GRID2: variants seen among roughly 807,000 people sequenced by gnomAD.
GRID2 encodes the protein glutamate ionotropic receptor delta type subunit 2.
Under a neutral mutation model 114.8 loss-of-function variants are expected in GRID2, and 33 were observed. The ratio of observed to expected loss-of-function variants is 0.29; its 90% CI spans 0.22 to 0.38. GRID2 has a LOEUF of 0.38. GRID2 is among the 10% of genes least tolerant of loss of function. GRID2 has a pLI of 1.00. For missense variants in GRID2, 1,184 were observed against 1,257.7 expected (o/e 0.94, Z 0.89); for synonymous variants, 505 against 449.9 (o/e 1.12, Z -1.55).
intron 1 of GRID2, among the ~76,000 whole-genome samples, chr4:92,554,062 A>C (rs1356582984): frequency 6.6e-6 from 1 of 152,204 alleles, no homozygotes; most frequent in Non-Finnish European, 1.5e-5. Context: ...CATGAAAAAC[A>C]TGAAAATCAC....
intron 2 of GRID2, among the ~76,000 whole-genome samples, chr4:93,061,202 T>G (rs201727817): frequency 6.8e-5 from 9 of 132,654 alleles, no homozygotes; most frequent in African/African-American, 1.0e-4. Flanking sequence ...TCTTGTTTTT[T>G]TTTTTTTTTT....
At chr4:93,293,693 A>C (rs1753984029) in intron 8 of GRID2, among the ~76,000 whole-genome samples, 1 of 152,154 alleles carries the variant, frequency 6.6e-6, no homozygotes, top group Admixed American at 6.5e-5. Context: ...TAAGATAAAA[A>C]ATGGCTAGCC....
intron 8 of GRID2, among the ~76,000 whole-genome samples, chr4:93,296,434 T>C (rs1754321489): frequency 6.6e-6 from 1 of 152,116 alleles, no homozygotes. Flanking sequence ...TCTTTCAGCC[T>C]ACTACAAGAA....
At chr4:93,249,199 T>A (rs1561041821) in intron 8 of GRID2, among the ~76,000 whole-genome samples, 1 of 152,174 alleles carries the variant, frequency 6.6e-6, no homozygotes, top group Non-Finnish European at 1.5e-5. Context: ...TGGTGCTATT[T>A]CTGAGGCCTC....
At chr4:93,321,676 T>G (rs922702968) in intron 8 of GRID2, among the ~76,000 whole-genome samples, 1 of 151,950 alleles carries the variant, frequency 6.6e-6, no homozygotes, top group African/African-American at 2.4e-5. Flanking sequence ...TTTGAAATAC[T>G]TTTTTTATTC....
At chr4:92,982,292 T>C (rs1261625185) in intron 2 of GRID2, among the ~76,000 whole-genome samples, 1 of 152,032 alleles carries the variant, frequency 6.6e-6, no homozygotes, top group Non-Finnish European at 1.5e-5. Context: ...GCAAAGTATA[T>C]AATATTACCA....
intron 2 of GRID2, among the ~76,000 whole-genome samples, chr4:92,677,719 G>A (rs1176495176): frequency 6.6e-6 from 1 of 151,752 alleles, no homozygotes; most frequent in Non-Finnish European, 1.5e-5. Flanking sequence ...AAATTTACAG[G>A]TTCTATTTTC....
intron 2 of GRID2, among the ~76,000 whole-genome samples, chr4:92,596,215 T>G (rs1302644308): frequency 6.8e-6 from 1 of 146,776 alleles, no homozygotes; most frequent in African/African-American, 2.5e-5. Flanking sequence ...CATGTGGGTA[T>G]GATTCTATTC....
intron 4 of GRID2, among the ~76,000 whole-genome samples, chr4:93,128,687 C>T (rs1163087971): frequency 7.6e-6 from 1 of 131,026 alleles, no homozygotes; most frequent in Admixed American, 9.0e-5. Context: ...ACCTGAGGTA[C>T]AGAAAGCGGC....
chr4:93,556,445 A>G (rs1284107138), intron 13 of GRID2, among the ~76,000 whole-genome samples: 1 of 152,228 alleles, frequency 6.6e-6, no homozygotes, highest in African/African-American at 2.4e-5. Context: ...CACATCATGA[A>G]AACTTTGTGC....
At chr4:92,713,061 A>T (rs1174990432) in intron 2 of GRID2, among the ~76,000 whole-genome samples, 1 of 151,238 alleles carries the variant, frequency 6.6e-6, no homozygotes, top group East Asian at 2.0e-4. Context: ...TTAGTTACAT[A>T]TGTATACATG....
At chr4:93,058,505 TG>T (rs1727472197) in intron 2 of GRID2, among the ~76,000 whole-genome samples, 1 of 152,134 alleles carries the variant, frequency 6.6e-6, no homozygotes, top group East Asian at 1.9e-4. Flanking sequence ...GCAATGAGTT[TG>T]CCAAAGAAAT....
At chr4:92,656,945 TA>T (rs1268904290) in intron 2 of GRID2, among the ~76,000 whole-genome samples, 2 of 151,710 alleles carry the variant, frequency 1.3e-5, no homozygotes, top group African/African-American at 2.4e-5. Context: ...TAGAGGATGC[TA>T]AAACAGAAGT....
intron 4 of GRID2, among the ~76,000 whole-genome samples, chr4:93,174,147 G>A (rs1739117690): frequency 6.6e-6 from 1 of 152,118 alleles, no homozygotes; most frequent in Admixed American, 6.5e-5. Flanking sequence ...GTGTATGTAT[G>A]TGTATGTTTA....
chr4:92,526,276 A>T (rs1725036653), intron 1 of GRID2, among the ~76,000 whole-genome samples: 1 of 152,170 alleles, frequency 6.6e-6, no homozygotes, highest in African/African-American at 2.4e-5. Flanking sequence ...CTATCAACAC[A>T]GCCCCTGATA....
chr4:93,215,928 G>A (rs533106445), intron 5 of GRID2, among the ~76,000 whole-genome samples: 15 of 152,014 alleles, frequency 9.9e-5, no homozygotes, highest in African/African-American at 3.1e-4. Context: ...GACTTCATTC[G>A]TTGTAAAGGT....
chr4:92,764,450 G>A (rs2149347463), intron 2 of GRID2, among the ~76,000 whole-genome samples: 1 of 152,184 alleles, frequency 6.6e-6, no homozygotes, highest in East Asian at 1.9e-4. Context: ...ATTGCTCAGA[G>A]TACCCAATCC....
At chr4:93,324,824 A>G (rs570120350) in intron 8 of GRID2, among the ~76,000 whole-genome samples, 4 of 152,222 alleles carry the variant, frequency 2.6e-5, no homozygotes, top group Middle Eastern at 3.4e-3. Flanking sequence ...TTACTTGCGT[A>G]GAGGTGTTTA....
At chr4:93,780,330 G>C (rs1235643468) in intron 1 of GRID2, among the ~76,000 whole-genome samples, 3 of 152,164 alleles carry the variant, frequency 2.0e-5, no homozygotes, top group African/African-American at 7.2e-5. Flanking sequence ...AAGGCTCTGA[G>C]GTGAGAATGT....
Sources: allele counts gnomAD v4.1 joint callset (sites outside exome capture counted in the v4.1 genomes callset), GRCh38; gene constraint gnomAD v4.1.1; transcripts MANE v1.5; gene names NCBI Gene and HGNC (gene_info 2026-07-23, HGNC 2026-07-21).